Variants in RABGAP1L observed in about 807,000 individuals in gnomAD.
The protein encoded by RABGAP1L is rab GTPase-activating protein 1-like.
Under a neutral mutation model 137.7 loss-of-function variants are expected in RABGAP1L, and 63 were observed. The observed-to-expected ratio is 0.46, with a 90% CI of 0.37 to 0.56. The LOEUF (loss-of-function observed/expected upper bound fraction) is 0.56, where lower values mean the gene tolerates loss of function less well. Ranked by LOEUF, RABGAP1L falls within the 20% of genes least tolerant of loss-of-function variation. The pLI, the probability that RABGAP1L is intolerant of heterozygous loss-of-function variation, is 0.00. For missense variants in RABGAP1L, 1,095 were observed against 1,244.0 expected, an observed-to-expected ratio of 0.88 and a Z score of 1.80; for synonymous variants, 431 against 433.7, an observed-to-expected ratio of 0.99 and a Z score of 0.08.
chr1:174,183,594 A>T (rs1426325018), intron 1 of RABGAP1L, among the ~76,000 whole-genome samples: 1 of 152,204 alleles, frequency 6.6e-6, no homozygotes. Flanking sequence ...GTTACAGCTG[A>T]TGAACCTACT....
intron 5 of RABGAP1L, among the ~76,000 whole-genome samples, chr1:174,242,772 C>T (rs1671933555): frequency 6.6e-6 from 1 of 152,108 alleles, no homozygotes; most frequent in Non-Finnish European, 1.5e-5. Context: ...TTAGATAAGG[C>T]TTTATCTATT....
chr1:174,550,999 C>CGTATATATATATAT (rs1553330295), intron 13 of RABGAP1L, among the ~76,000 whole-genome samples: 1 of 86,372 alleles, frequency 1.2e-5, no homozygotes, highest in African/African-American at 8.3e-5. Flanking sequence ...TATATATACA[C>CGTATATATATATAT]ATATATATAT....
chr1:174,870,839 G>A (rs1454934388), intron 19 of RABGAP1L, among the ~76,000 whole-genome samples: 5 of 150,564 alleles, frequency 3.3e-5, no homozygotes, highest in Non-Finnish European at 7.4e-5. Context: ...CCAGGCTCAC[G>A]CCATTCTCCT....
intron 14 of RABGAP1L, among the ~76,000 whole-genome samples, chr1:174,640,676 T>C (rs1023002351): frequency 2.0e-5 from 3 of 152,056 alleles, no homozygotes; most frequent in Non-Finnish European, 4.4e-5. Flanking sequence ...CTTGATCTTA[T>C]CTCAGCTGCT....
intron 19 of RABGAP1L, among the ~76,000 whole-genome samples, chr1:174,917,932 T>TA (rs77326102): frequency 0.21 from 24,709 of 116,296 alleles, 2,620 homozygotes; most frequent in Admixed American, 0.27. Context: ...GACTCTGTCT[T>TA]AAAAAAAAAA....
chr1:174,508,567 A>G (rs556713958), intron 13 of RABGAP1L, among the ~76,000 whole-genome samples: 1 of 152,308 alleles, frequency 6.6e-6, no homozygotes, highest in Admixed American at 6.5e-5. Context: ...ATGAATTGGT[A>G]TGTCATTTGC....
intron 17 of RABGAP1L, among the ~76,000 whole-genome samples, chr1:174,711,295 C>T (rs1445519320): frequency 1.3e-5 from 2 of 152,120 alleles, no homozygotes; most frequent in Non-Finnish European, 2.9e-5. Flanking sequence ...CACAGTGCAG[C>T]GGTGGGCTGA....
chr1:174,733,488 A>G (rs1300793019), intron 17 of RABGAP1L, among the ~76,000 whole-genome samples: 2 of 152,244 alleles, frequency 1.3e-5, no homozygotes. Flanking sequence ...TCTTTCAGGC[A>G]AAACTGCTTT....
chr1:174,918,897 T>G (rs1479132287), intron 19 of RABGAP1L, among the ~76,000 whole-genome samples: 1 of 152,144 alleles, frequency 6.6e-6, no homozygotes, highest in Admixed American at 6.5e-5. Flanking sequence ...GTGCTTGTAG[T>G]CTCGGCTATT....
chr1:174,880,668 C>T (rs1195261906), intron 19 of RABGAP1L, among the ~76,000 whole-genome samples: 1 of 151,824 alleles, frequency 6.6e-6, no homozygotes, highest in Non-Finnish European at 1.5e-5. Flanking sequence ...TAGCTCACTG[C>T]AGCCTCAAAG....
At chr1:174,597,479 A>G (rs1207292538) in intron 13 of RABGAP1L, among the ~76,000 whole-genome samples, 1 of 152,040 alleles carries the variant, frequency 6.6e-6, no homozygotes, top group East Asian at 1.9e-4. Flanking sequence ...CATTTCTTCT[A>G]GGTTTTCTGA....
At chr1:174,820,357 T>C (rs917951283) in intron 19 of RABGAP1L, among the ~76,000 whole-genome samples, 6 of 152,136 alleles carry the variant, frequency 3.9e-5, no homozygotes, top group Non-Finnish European at 7.4e-5. Context: ...ATTTCCATGG[T>C]ATGAATACTC....
At chr1:174,374,525 T>C (rs1685359836) in intron 12 of RABGAP1L, among the ~76,000 whole-genome samples, 1 of 125,958 alleles carries the variant, frequency 7.9e-6, no homozygotes, top group Non-Finnish European at 1.6e-5. Context: ...CTCCTAGATA[T>C]CAATATATAG....
At chr1:174,827,083 C>T (rs1691638315) in intron 19 of RABGAP1L, among the ~76,000 whole-genome samples, 1 of 152,102 alleles carries the variant, frequency 6.6e-6, no homozygotes, top group Admixed American at 6.5e-5. Context: ...CTCATTGTAT[C>T]CTCACATGAT....
intron 12 of RABGAP1L, among the ~76,000 whole-genome samples, chr1:174,371,544 T>TA (rs1262633743): frequency 2.0e-5 from 3 of 152,154 alleles, no homozygotes; most frequent in African/African-American, 7.2e-5. Flanking sequence ...AGTATTACTT[T>TA]AAATTTTGGC....
intron 13 of RABGAP1L, among the ~76,000 whole-genome samples, chr1:174,580,647 G>A (rs1220954222): frequency 6.6e-6 from 1 of 152,116 alleles, no homozygotes; most frequent in Non-Finnish European, 1.5e-5. Flanking sequence ...GGAGGAGGGG[G>A]GAGGGATAGC....
intron 13 of RABGAP1L, among the ~76,000 whole-genome samples, chr1:174,566,023 CACAGGCACAT>C (rs1439087695): frequency 6.6e-6 from 1 of 151,818 alleles, no homozygotes; most frequent in Non-Finnish European, 1.5e-5. Context: ...TAGCTGGGAC[CACAGGCACAT>C]ACATGCCACC....
intron 18 of RABGAP1L, among the ~76,000 whole-genome samples, chr1:174,789,450 C>T (rs1285692040): frequency 2.0e-5 from 3 of 151,808 alleles, no homozygotes; most frequent in Non-Finnish European, 4.4e-5. Context: ...AATACTGCTA[C>T]GATTTTTTTT....
intron 18 of RABGAP1L, among the ~76,000 whole-genome samples, chr1:174,792,716 T>C (rs1687953481): frequency 6.6e-6 from 1 of 152,210 alleles, no homozygotes; most frequent in Non-Finnish European, 1.5e-5. Flanking sequence ...ACTAAAACTA[T>C]ATATAACTGA....
Sources: allele counts gnomAD v4.1 joint callset (sites outside exome capture counted in the v4.1 genomes callset), GRCh38; gene constraint gnomAD v4.1.1; transcripts MANE v1.5; gene names NCBI Gene and HGNC (gene_info 2026-07-23, HGNC 2026-07-21).